The following CCAR1 variants were observed in gnomAD, a reference collection of about 807,000 sequenced individuals.
CCAR1 encodes the protein cell division cycle and apoptosis regulator 1.
In CCAR1, 78 loss-of-function variants were observed where a neutral mutation model predicts 163.8. That is an observed-to-expected ratio of 0.48 (90% confidence interval 0.40 to 0.57). The LOEUF (loss-of-function observed/expected upper bound fraction) is 0.57, where lower values mean the gene tolerates loss of function less well. Among genes scored for constraint, CCAR1 ranks in the 20% least tolerant of loss-of-function variants. The pLI is 0.00. For missense variants in CCAR1, 1,019 were observed against 1,365.2 expected (o/e 0.75, Z 4.00); for synonymous variants, 443 against 460.7 (o/e 0.96, Z 0.49).
intron 5 of CCAR1, among the ~76,000 whole-genome samples, chr10:68,742,169 A>C (rs1433187371): frequency 6.6e-6 from 1 of 152,204 alleles, no homozygotes; most frequent in Admixed American, 6.5e-5. Flanking sequence ...ATATTGTATT[A>C]GTAAGAACAC....
At chr10:68,749,425 C>A in intron 9 of CCAR1, 99 bp from the exon 10 acceptor site, 1 of 1,246,296 alleles carries the variant, frequency 8.0e-7, no homozygotes, top group Non-Finnish European at 1.1e-6. Context: ...AACAAATATA[C>A]TGTGGATTCT....
At chr10:68,724,313 A>G (rs888857612) in intron 2 of CCAR1, among the ~76,000 whole-genome samples, 2 of 152,012 alleles carry the variant, frequency 1.3e-5, no homozygotes, top group African/African-American at 4.8e-5. Context: ...AAAAAATATA[A>G]AAGTTAGCTT....
At chr10:68,738,270 C>A (rs370398493) in intron 4 of CCAR1, among the ~76,000 whole-genome samples, 4 of 151,876 alleles carry the variant, frequency 2.6e-5, no homozygotes, top group African/African-American at 7.3e-5. Flanking sequence ...CAAAATTAGC[C>A]GGGTGTGGTG....
chr10:68,747,040 A>C, intron 6 of CCAR1, 121 bp from the exon 7 acceptor site: 1 of 571,908 alleles, frequency 1.7e-6, no homozygotes, highest in Middle Eastern at 4.7e-4. Context: ...GATATAGTTT[A>C]CTGTTTATTT....
At chr10:68,732,365 TTTGA>T (rs562744768) in intron 2 of CCAR1, among the ~76,000 whole-genome samples, 5 of 151,944 alleles carry the variant, frequency 3.3e-5, no homozygotes, top group Admixed American at 2.6e-4. Context: ...TGTTTGTTTG[TTTGA>T]GACAGAGTCT....
intron 4 of CCAR1, among the ~76,000 whole-genome samples, chr10:68,738,739 A>G (rs1310335656): frequency 2.0e-5 from 3 of 152,146 alleles, no homozygotes; most frequent in African/African-American, 7.2e-5. Flanking sequence ...ATATTAAAAT[A>G]GAACTGTTCA....
chr10:68,787,734 C>G, intron 21 of CCAR1, 193 bp from the exon 22 acceptor site: 1 of 452,914 alleles, frequency 2.2e-6, no homozygotes, highest in Non-Finnish European at 3.9e-6. Flanking sequence ...ACTCTGGAGG[C>G]TGAGGTAGGA....
intron 2 of CCAR1, among the ~76,000 whole-genome samples, chr10:68,730,645 CAT>C (rs1017937935): frequency 1.2e-4 from 19 of 152,154 alleles, no homozygotes; most frequent in Middle Eastern, 6.8e-3. Context: ...CAAAAAAGAA[CAT>C]ATTTTTATCC....
intron 19 of CCAR1, among the ~76,000 whole-genome samples, chr10:68,784,163 A>G (rs947459279): frequency 6.6e-6 from 1 of 152,112 alleles, no homozygotes; most frequent in African/African-American, 2.4e-5. Context: ...GATTTAGAAT[A>G]TTATGTAAAC....
chr10:68,733,018 G>GTT (rs2056061516), intron 2 of CCAR1, among the ~76,000 whole-genome samples: 1 of 152,148 alleles, frequency 6.6e-6, no homozygotes, highest in South Asian at 2.1e-4. Flanking sequence ...TAATACTGGT[G>GTT]TTAAGATATT....
intron 19 of CCAR1, among the ~76,000 whole-genome samples, chr10:68,784,499 C>G (rs1252790077): frequency 6.6e-6 from 1 of 152,164 alleles, no homozygotes; most frequent in Non-Finnish European, 1.5e-5. Context: ...AGGCGTGACC[C>G]ACCATGTTCG....
At chr10:68,754,918 T>C in intron 12 of CCAR1, 91 bp downstream of exon 12, 1 of 704,686 alleles carries the variant, frequency 1.4e-6, no homozygotes, top group Non-Finnish European at 2.5e-6. Flanking sequence ...TACATTTTAA[T>C]ATTTGTTGAT....
At chr10:68,727,436 A>G (rs2055965368) in intron 2 of CCAR1, among the ~76,000 whole-genome samples, 1 of 152,138 alleles carries the variant, frequency 6.6e-6, no homozygotes, top group South Asian at 2.1e-4. Flanking sequence ...ACAGGAGGTC[A>G]TAGCAGAGTC....
In CCAR1 at chr10:68,722,596, T is replaced by C. The variant is rs377689155; in HGVS notation, c.73+19T>C. The C allele has an allele frequency of 1.3e-5, 20 of 1,569,204 alleles. No individual in the cohort carries two copies. Among genetic ancestry groups the C allele is most frequent in the Non-Finnish European group, 1.8e-5 (20 of 1,139,636 alleles). On this transcript the variant is annotated intron_variant, in intron 2 of 24. Transcript: ENST00000265872. ...CAGCCAGGTCAGGCTTCTAAATACA[T>C]GTACTGTAATTGTTTGTGGGGGACT...
chr10:68,757,312 G>T lies in CCAR1; in HGVS notation c.1855G>T (p.Asp619Tyr). 6.4e-7 allele frequency: 1 copy of T among 1,568,226 alleles called. No homozygotes were observed. Among genetic ancestry groups the T allele is most frequent in the Non-Finnish European group, 8.8e-7 (1 of 1,139,100 alleles). Residue 619 changes from aspartate (D) to tyrosine (Y), a missense_variant, in exon 15 of 25, where the codon GAT becomes TAT. Asp to Tyr is a radical substitution (Grantham distance 160). Around this residue, in one of 4 missense-constraint regions of CCAR1, gnomAD observed 644 missense variants for 904.4 expected, o/e 0.71. Coordinates refer to ENST00000265872, the MANE Select transcript of CCAR1 (RefSeq NM_018237.4). ...DGEQDEEEKD[D>Y]GEAKEISTPT... ...ATGTCAGGATGAAGAAGAGAAGGAT[G>T]ATGGTGAAGCTAAAGAAATTTCTAC...
At chr10:68,724,542 G>A (rs1157108977) in intron 2 of CCAR1, among the ~76,000 whole-genome samples, 1 of 152,026 alleles carries the variant, frequency 6.6e-6, no homozygotes, top group African/African-American at 2.4e-5. Context: ...CTCCCATCTT[G>A]GCCTCCTAAA....
At chr10:68,775,945 T>G (rs550027000) in intron 19 of CCAR1, among the ~76,000 whole-genome samples, 2 of 152,150 alleles carry the variant, frequency 1.3e-5, no homozygotes, top group East Asian at 3.9e-4. Context: ...TCCTCCCGTC[T>G]TGGCCTCCCA....
chr10:68,745,725 A>G (rs1161721921), intron 6 of CCAR1, among the ~76,000 whole-genome samples: 1 of 151,606 alleles, frequency 6.6e-6, no homozygotes, highest in Admixed American at 6.6e-5. Context: ...CAGCCTCCCA[A>G]AGTGCTGGGA....
At chr10:68,739,696 A>G (rs2056158355) in intron 4 of CCAR1, among the ~76,000 whole-genome samples, 1 of 152,180 alleles carries the variant, frequency 6.6e-6, no homozygotes. Context: ...TATGAAATAC[A>G]TTTTTAAAGA....
Sources: gnomAD v4.1 joint callset for allele counts (sites outside exome capture counted in the v4.1 genomes callset) on GRCh38, gnomAD v4.1.1 for gene constraint, gnomAD v4.1.1 regional missense constraint, MANE v1.5 for transcripts, NCBI Gene and HGNC (gene_info 2026-07-23, HGNC 2026-07-21) for gene names.